ASB3: variants seen among roughly 807,000 people sequenced by gnomAD.
ASB3 encodes the protein ankyrin repeat and SOCS box containing 3.
A neutral mutation model predicts 54.5 loss-of-function variants in ASB3; 41 were observed. The ratio of observed to expected loss-of-function variants is 0.75; its 90% CI spans 0.59 to 0.98. The LOEUF (loss-of-function observed/expected upper bound fraction) is 0.98. Among genes scored for constraint, ASB3 ranks in the 50% least tolerant of loss-of-function variants. The pLI is 0.00. For synonymous variants in ASB3, 266 were observed against 221.2 expected, an observed-to-expected ratio of 1.20 and a Z score of -1.80; for missense variants, 733 against 620.0, an observed-to-expected ratio of 1.18 and a Z score of -1.94.
intron 1 of ASB3, chr2:53,771,915 A>G (rs1558574228): frequency 5.7e-6 from 9 of 1,566,982 alleles, no homozygotes; most frequent in Non-Finnish European, 7.8e-6. Flanking sequence ...AGCCTGGAAG[A>G]GTTGTGACTC....
chr2:53,743,563 C>G (rs544508597), intron 3 of ASB3, among the ~76,000 whole-genome samples: 1 of 151,904 alleles, frequency 6.6e-6, no homozygotes, highest in Non-Finnish European at 1.5e-5. Context: ...GTTGGAAAAG[C>G]GGGGGGAGAA....
chr2:53,680,022 C>A (rs1009274301), intron 9 of ASB3, among the ~76,000 whole-genome samples: 4 of 152,080 alleles, frequency 2.6e-5, no homozygotes, highest in Non-Finnish European at 4.4e-5. Flanking sequence ...CATTAGTTTG[C>A]TAAGGATAAT....
At chr2:53,786,706 G>A (rs934100609) in intron 1 of ASB3, 115 bp downstream of exon 1, 1 of 154,788 alleles carries the variant, frequency 6.5e-6, no homozygotes, top group African/African-American at 2.4e-5. Flanking sequence ...GCACCCGCAC[G>A]GTTCACACTG....
At chr2:53,744,895 C>A (rs1218805469) in intron 3 of ASB3, among the ~76,000 whole-genome samples, 1 of 152,186 alleles carries the variant, frequency 6.6e-6, no homozygotes, top group African/African-American at 2.4e-5. Context: ...CCTCACCCAA[C>A]ACTATTTATA....
chr2:53,709,159 T>C (rs779390457), intron 7 of ASB3, among the ~76,000 whole-genome samples: 3 of 152,192 alleles, frequency 2.0e-5, no homozygotes, highest in South Asian at 2.1e-4. Flanking sequence ...GAGGACTGAA[T>C]GGTTTCATGG....
chr2:53,729,438 A>T lies in ASB3; in HGVS notation c.468+20T>A. 6.2e-7 allele frequency: 1 copy of T among 1,610,384 alleles called. No homozygotes were observed. Among genetic ancestry groups the T allele is most frequent in the Non-Finnish European group, 8.5e-7 (1 of 1,176,974 alleles). ...AACACACAATTTACATGGAAATGAA[A>T]TAATAAATTCAGAGGTTACCTGAAA... On this transcript the variant is annotated intron_variant, in intron 4 of 9. Transcript: ENST00000263634.
chr2:53,703,186 G>C (rs556929541), intron 7 of ASB3, among the ~76,000 whole-genome samples: 4 of 152,180 alleles, frequency 2.6e-5, no homozygotes, highest in Admixed American at 6.5e-5. Flanking sequence ...ATTCCATTTG[G>C]AGGAATCTTT....
chr2:53,671,769 A>G (rs904223231), intron 9 of ASB3, among the ~76,000 whole-genome samples: 2 of 147,452 alleles, frequency 1.4e-5, no homozygotes, highest in East Asian at 1.9e-4. Flanking sequence ...CAAAAAAAAA[A>G]AGAAAAGAAT....
Position 53,750,864 on chromosome 2 carries a change from A to C in ASB3, c.274T>G (p.Trp92Gly). The C allele has an allele frequency of 1.2e-6, 2 of 1,603,344 alleles. No individual in the cohort carries two copies. The change falls in exon 3 of 10, where the codon TGG (tryptophan) becomes GGG (glycine). Residue 92 changes from tryptophan to glycine, a missense_variant. Physicochemically the swap from Trp to Gly is radical, Grantham distance 184. Transcript: ENST00000263634. ...ALHLAASQGH[W>G]KIVQILLEAG... ...TCTAAAAGAATCTGTACGATTTTCC[A>C]ATGTCCTTGACTTGCAGCGAGATGC...
chr2:53,777,335 T>C (rs966593500), intron 1 of ASB3, among the ~76,000 whole-genome samples: 1 of 152,212 alleles, frequency 6.6e-6, no homozygotes, highest in Non-Finnish European at 1.5e-5. Context: ...AACCCAAAGA[T>C]TGCAATTTTC....
intron 2 of ASB3, among the ~76,000 whole-genome samples, chr2:53,755,373 G>A (rs181080801): frequency 1.3e-5 from 2 of 152,316 alleles, no homozygotes; most frequent in African/African-American, 4.8e-5. Flanking sequence ...AAAAGTGGTA[G>A]TAATGGGTGA....
rs767990230 is a variant in ASB3, at chr2:53,774,386, G to T, written c.-13-8801C>A. The T allele has an allele frequency of 3.7e-6, 6 of 1,613,380 alleles. 1 individual carries two copies. The Middle Eastern group carries it at 4.9e-4, about 133-fold the overall frequency. On this transcript the variant is annotated intron_variant, in intron 1 of 9. Transcript: ENST00000263634. ...ATTTTTAATGCAGCTGGTCCAAGTG[G>T]AAGAAATACAGAATATCTTTTTGAA...
intron 2 of ASB3, among the ~76,000 whole-genome samples, chr2:53,751,235 G>T (rs1276181659): frequency 6.6e-6 from 1 of 152,124 alleles, no homozygotes; most frequent in Non-Finnish European, 1.5e-5. Context: ...GGTAACAAAA[G>T]CAATAGTCTG....
At chr2:53,693,666 T>A (rs1669033924) in intron 9 of ASB3, among the ~76,000 whole-genome samples, 1 of 152,160 alleles carries the variant, frequency 6.6e-6, no homozygotes, top group Non-Finnish European at 1.5e-5. Context: ...CTTTTCTTTA[T>A]ATGTTCCTTA....
In ASB3 at chr2:53,716,668, C is replaced by T; in HGVS notation, c.680G>A (p.Cys227Tyr). The change falls in exon 6 of 10, where the codon TGT (cysteine) becomes TAT (tyrosine). Residue 227 changes from cysteine (C) to tyrosine (Y), a missense_variant. Transcript: ENST00000263634. ...CCCACTGGAGAGCAAAAGCTCCACA[C>T]ATTTTGTGTGTCCCTCTTGAGCAGC... ...FIAAQEGHTK[C>Y]VELLLSSGAD... The T allele has an allele frequency of 6.2e-7, 1 of 1,614,178 alleles. No individual in the cohort carries two copies. Among genetic ancestry groups the T allele is most frequent in the Non-Finnish European group, 8.5e-7 (1 of 1,180,004 alleles).
intron 2 of ASB3, among the ~76,000 whole-genome samples, chr2:53,755,524 G>T (rs920650997): frequency 1.3e-5 from 2 of 152,156 alleles, no homozygotes; most frequent in African/African-American, 4.8e-5. Flanking sequence ...TTTACTATGT[G>T]CCAATCACAA....
intron 5 of ASB3, among the ~76,000 whole-genome samples, chr2:53,719,618 C>T (rs1222622526): frequency 6.6e-6 from 1 of 151,758 alleles, no homozygotes; most frequent in Non-Finnish European, 1.5e-5. Flanking sequence ...TCCAACCTCA[C>T]CATAAACTTC....
intron 9 of ASB3, among the ~76,000 whole-genome samples, chr2:53,675,535 T>C (rs1407308621): frequency 6.6e-6 from 1 of 152,178 alleles, no homozygotes; most frequent in Non-Finnish European, 1.5e-5. Flanking sequence ...TGGATGTAGC[T>C]GAAATAAGGT....
At chr2:53,692,107 C>A (rs955337832) in intron 9 of ASB3, among the ~76,000 whole-genome samples, 1 of 152,140 alleles carries the variant, frequency 6.6e-6, no homozygotes, top group African/African-American at 2.4e-5. Flanking sequence ...GCATCCCTAA[C>A]AATTGTGACA....
Sources: gnomAD v4.1 joint callset for allele counts (sites outside exome capture counted in the v4.1 genomes callset) on GRCh38, gnomAD v4.1.1 for gene constraint, MANE v1.5 for transcripts, NCBI Gene and HGNC (gene_info 2026-07-23, HGNC 2026-07-21) for gene names.